Variants in ULK4 observed in about 807,000 individuals in gnomAD.
ULK4 encodes the protein unc-51 like kinase 4.
In ULK4, 133 loss-of-function variants were observed where a neutral mutation model predicts 160.6. The ratio of observed to expected loss-of-function variants is 0.83; its 90% CI spans 0.72 to 0.96. The LOEUF (loss-of-function observed/expected upper bound fraction) is 0.96. Ranked by LOEUF, ULK4 falls within the 40% of genes least tolerant of loss-of-function variation. The probability of loss-of-function intolerance (pLI) is 0.00; values close to 1 mark genes in which losing one functional copy is unlikely to be tolerated. For missense variants in ULK4, 1,580 were observed against 1,499.5 expected, an observed-to-expected ratio of 1.05 and a Z score of -0.89; for synonymous variants, 534 against 539.8, an observed-to-expected ratio of 0.99 and a Z score of 0.15.
At chr3:41,891,542 A>G (rs1697967695) in intron 16 of ULK4, among the ~76,000 whole-genome samples, 1 of 152,044 alleles carries the variant, frequency 6.6e-6, no homozygotes, top group Admixed American at 6.5e-5. Flanking sequence ...CAGTTAGTAC[A>G]AGGAAGAGAG....
chr3:41,281,664 G>A (rs557350799), intron 35 of ULK4, among the ~76,000 whole-genome samples: 14 of 152,226 alleles, frequency 9.2e-5, no homozygotes, highest in Admixed American at 7.2e-4. Context: ...AATAATAAGA[G>A]CTATCTATGA....
intron 16 of ULK4, among the ~76,000 whole-genome samples, chr3:41,893,792 T>C (rs1262190287): frequency 1.3e-5 from 2 of 152,154 alleles, no homozygotes; most frequent in Non-Finnish European, 2.9e-5. Context: ...CATAAAATTA[T>C]ATCATGTGAT....
intron 19 of ULK4, among the ~76,000 whole-genome samples, chr3:41,801,832 C>T (rs1342445834): frequency 2.0e-5 from 3 of 151,320 alleles, no homozygotes; most frequent in African/African-American, 7.3e-5. Context: ...GCCTGAGCAA[C>T]AAAGCAAGAC....
intron 30 of ULK4, among the ~76,000 whole-genome samples, chr3:41,627,348 T>A (rs1001057011): frequency 3.3e-5 from 5 of 152,158 alleles, no homozygotes; most frequent in African/African-American, 9.6e-5. Context: ...GGTTGGTCCA[T>A]GGAGCTGCCC....
intron 22 of ULK4, among the ~76,000 whole-genome samples, chr3:41,736,135 A>G (rs1159593369): frequency 2.6e-5 from 4 of 151,566 alleles, no homozygotes; most frequent in Non-Finnish European, 5.9e-5. Flanking sequence ...TATTGTGAAT[A>G]ATGCCACAAT....
intron 19 of ULK4, among the ~76,000 whole-genome samples, chr3:41,802,485 G>A (rs552111781): frequency 6.6e-6 from 1 of 152,076 alleles, no homozygotes; most frequent in African/African-American, 2.4e-5. Context: ...TTTTAACAGA[G>A]ATGAGGTCTC....
chr3:41,273,358 T>TG (rs901892364), intron 35 of ULK4, among the ~76,000 whole-genome samples: 17 of 152,202 alleles, frequency 1.1e-4, no homozygotes, highest in African/African-American at 2.4e-4. Context: ...CTAGTTTGCC[T>TG]GGTGGGAATG....
intron 30 of ULK4, among the ~76,000 whole-genome samples, chr3:41,617,103 A>G (rs1343916314): frequency 6.6e-6 from 1 of 152,218 alleles, no homozygotes; most frequent in Admixed American, 6.5e-5. Context: ...AGCCCAAGTC[A>G]GGGGCTTACA....
chr3:41,827,931 C>A (rs372190618), intron 18 of ULK4, among the ~76,000 whole-genome samples: 1 of 152,008 alleles, frequency 6.6e-6, no homozygotes, highest in Non-Finnish European at 1.5e-5. Flanking sequence ...TCCAGCAGCA[C>A]ATCAAAAAGC....
At chr3:41,379,011 C>T (rs1477009277) in intron 35 of ULK4, among the ~76,000 whole-genome samples, 7 of 151,824 alleles carry the variant, frequency 4.6e-5, no homozygotes, top group Non-Finnish European at 8.8e-5. Context: ...ACAATGAGAG[C>T]ATATGTTCAC....
chr3:41,391,981 T>C (rs13075079), intron 35 of ULK4, among the ~76,000 whole-genome samples: 25,826 of 151,940 alleles, frequency 0.17, 2,346 homozygotes, highest in Admixed American at 0.21. Context: ...TTTCAGAGAG[T>C]AGTCGATAGC....
chr3:41,453,273 T>C (rs2083463942), intron 34 of ULK4, among the ~76,000 whole-genome samples: 1 of 152,116 alleles, frequency 6.6e-6, no homozygotes, highest in South Asian at 2.1e-4. Flanking sequence ...ACTCCTGGGC[T>C]CAAGCAATCC....
intron 3 of ULK4, 118 bp downstream of exon 3, chr3:41,937,980 T>A: frequency 3.1e-6 from 2 of 635,156 alleles, no homozygotes; most frequent in Non-Finnish European, 2.4e-6. Flanking sequence ...TTCCCTAATA[T>A]CCACAGAGCA....
intron 22 of ULK4, among the ~76,000 whole-genome samples, chr3:41,736,413 G>T (rs1016381574): frequency 1.3e-5 from 2 of 151,816 alleles, no homozygotes; most frequent in African/African-American, 4.9e-5. Context: ...ATCTCACTGC[G>T]GTTTTGATTT....
At chr3:41,818,423 T>C (rs1303036120) in intron 19 of ULK4, among the ~76,000 whole-genome samples, 2 of 152,252 alleles carry the variant, frequency 1.3e-5, no homozygotes, top group Non-Finnish European at 2.9e-5. Flanking sequence ...TAGGAATTTT[T>C]TCATCTGTGT....
chr3:41,953,980 G>A (rs1009048411), intron 2 of ULK4, among the ~76,000 whole-genome samples: 3 of 152,016 alleles, frequency 2.0e-5, no homozygotes, highest in East Asian at 1.9e-4. Flanking sequence ...TCAGGAGATC[G>A]AGACCATCCT....
At chr3:41,643,432 C>A (rs921028710) in intron 30 of ULK4, among the ~76,000 whole-genome samples, 7 of 152,170 alleles carry the variant, frequency 4.6e-5, no homozygotes, top group Admixed American at 3.3e-4. Flanking sequence ...TTCCCAGCAC[C>A]ATTTATTAAA....
At chr3:41,712,481 A>G (rs371766084) in intron 25 of ULK4, among the ~76,000 whole-genome samples, 3 of 152,220 alleles carry the variant, frequency 2.0e-5, no homozygotes, top group East Asian at 3.8e-4. Flanking sequence ...CAATTAAATC[A>G]TATCTTTAAA....
intron 17 of ULK4, among the ~76,000 whole-genome samples, chr3:41,869,992 G>T (rs182517982): frequency 6.6e-6 from 1 of 152,240 alleles, no homozygotes; most frequent in East Asian, 1.9e-4. Flanking sequence ...TGGGATAGCA[G>T]ATTTTTTTCT....
Sources: allele counts gnomAD v4.1 joint callset (sites outside exome capture counted in the v4.1 genomes callset), GRCh38; gene constraint gnomAD v4.1.1; transcripts MANE v1.5; gene names NCBI Gene and HGNC (gene_info 2026-07-23, HGNC 2026-07-21).